ADARB2: variants seen among roughly 807,000 people sequenced by gnomAD.
ADARB2 encodes the protein inactive double-stranded RNA-specific editase B2.
ADARB2 carries 25 observed loss-of-function variants against 62.2 expected under a neutral mutation model. That is an observed-to-expected ratio of 0.40 (90% confidence interval 0.29 to 0.56). The LOEUF is 0.56. Ranked by LOEUF, ADARB2 falls within the 20% of genes least tolerant of loss-of-function variation. The pLI is 0.43. For missense variants in ADARB2, 1,071 were observed against 1,077.4 expected, an observed-to-expected ratio of 0.99 and a Z score of 0.08; for synonymous variants, 572 against 500.8, an observed-to-expected ratio of 1.14 and a Z score of -1.90.
rs545810333 is a variant in ADARB2, at chr10:1,191,237, G to A, written c.1865-6198C>T. 7.8e-4 allele frequency among the ~76,000 whole-genome samples: 118 copies of A among 152,196 alleles called. 3 individuals are homozygous for A. The South Asian group carries it at 0.023, about 30-fold the overall frequency. On this transcript the variant is annotated intron_variant, in intron 8 of 9. Transcript: ENST00000381312. ...CCTTCTGTGTGTGATGAGGACCAGC[G>A]GGGCTCACGGTCCAGGAGGGTGGGG...
At chr10:1,277,099 T>G (rs1475822535) in intron 3 of ADARB2, among the ~76,000 whole-genome samples, 1 of 152,174 alleles carries the variant, frequency 6.6e-6, no homozygotes, top group Non-Finnish European at 1.5e-5. Flanking sequence ...TGGGACACAT[T>G]CAAAGCAGTG....
intron 3 of ADARB2, among the ~76,000 whole-genome samples, chr10:1,327,272 A>T (rs111247950): frequency 3.3e-5 from 1 of 30,476 alleles, no homozygotes; most frequent in African/African-American, 8.9e-5. Context: ...TCCTCACTGC[A>T]CAGCGCCTCC....
At chr10:1,659,713 C>G (rs113690205) in intron 1 of ADARB2, among the ~76,000 whole-genome samples, 2,630 of 152,372 alleles carry the variant, frequency 0.017, 46 homozygotes, top group East Asian at 0.07. Flanking sequence ...GGCAACCCAT[C>G]ATGCTGCTTC....
intron 1 of ADARB2, among the ~76,000 whole-genome samples, chr10:1,708,899 G>A (rs902623573): frequency 6.6e-6 from 1 of 152,314 alleles, no homozygotes; most frequent in East Asian, 1.9e-4. Context: ...TGTGAGCAGA[G>A]GGCTGAGGGC....
intron 4 of ADARB2, among the ~76,000 whole-genome samples, chr10:1,246,277 T>G (rs1830985940): frequency 6.6e-6 from 1 of 150,974 alleles, no homozygotes; most frequent in South Asian, 2.1e-4. Flanking sequence ...TTTTCTCCCA[T>G]TCTGTAGGTT....
At chr10:1,288,594 G>A (rs1014479468) in intron 3 of ADARB2, among the ~76,000 whole-genome samples, 4 of 152,236 alleles carry the variant, frequency 2.6e-5, no homozygotes, top group African/African-American at 9.6e-5. Flanking sequence ...CTGAGACGCT[G>A]AGGAGAGAGA....
At chr10:1,217,741 C>T (rs1218606646) in intron 6 of ADARB2, among the ~76,000 whole-genome samples, 1 of 152,166 alleles carries the variant, frequency 6.6e-6, no homozygotes, top group Non-Finnish European at 1.5e-5. Context: ...GCAGTGCTTG[C>T]CGCCCAGGCT....
In ADARB2 at chr10:1,426,587, C is replaced by T. The variant is rs966073722; in HGVS notation, c.101-47427G>A. On this transcript the variant is annotated intron_variant, in intron 1 of 9. Coordinates refer to ENST00000381312, the MANE Select transcript of ADARB2 (RefSeq NM_018702.4). The surrounding 1 kb of genome is among the most constrained non-coding windows in gnomAD (Gnocchi z 4.1). Reference sequence around the variant, plus strand: ...GTTGTGGCCTTGGAAGGAAAAGCCTCCAGCTCTGAGTCTGCTGCCAGGTGG... The same window carrying T: ...GTTGTGGCCTTGGAAGGAAAAGCCTTCAGCTCTGAGTCTGCTGCCAGGTGG... 6.6e-6 allele frequency among the ~76,000 whole-genome samples: 1 copy of T among 152,172 alleles called. No homozygotes were observed. The highest frequency in any genetic ancestry group is 2.4e-5 in the African/African-American group (1 of 41,440).
chr10:1,649,843 C>A (rs11250703), intron 1 of ADARB2, among the ~76,000 whole-genome samples: 35,322 of 152,122 alleles, frequency 0.23, 4,156 homozygotes, highest in Admixed American at 0.27. Context: ...TCCAGCTCCA[C>A]TAGAGATCTT....
At chr10:1,551,393 C>G (rs4880868) in intron 1 of ADARB2, among the ~76,000 whole-genome samples, 2 of 151,950 alleles carry the variant, frequency 1.3e-5, no homozygotes, top group Non-Finnish European at 2.9e-5. Flanking sequence ...ACCTGTTGTC[C>G]GGGCTGCCAC....
chr10:1,278,206 C>G (rs2131803432), intron 3 of ADARB2, among the ~76,000 whole-genome samples: 1 of 152,176 alleles, frequency 6.6e-6, no homozygotes, highest in African/African-American at 2.4e-5. Flanking sequence ...TCTAGCACTC[C>G]TGACCTCAGG....
At chr10:1,612,021 T>C (rs918622076) in intron 1 of ADARB2, among the ~76,000 whole-genome samples, 2 of 151,992 alleles carry the variant, frequency 1.3e-5, no homozygotes, top group East Asian at 3.9e-4. Flanking sequence ...GCAGAACTCA[T>C]CTCCCAGCGC....
chr10:1,430,143 CT>C (rs1830765254), intron 1 of ADARB2, among the ~76,000 whole-genome samples: 5 of 152,288 alleles, frequency 3.3e-5, no homozygotes, highest in Admixed American at 3.3e-4. Flanking sequence ...ACTTTCTATG[CT>C]TTACTCGAAG....
chr10:1,512,282 C>T (rs1831947201), intron 1 of ADARB2, among the ~76,000 whole-genome samples: 1 of 152,138 alleles, frequency 6.6e-6, no homozygotes. Flanking sequence ...ACACTGGATA[C>T]TAAGATGTCA....
chr10:1,615,277 C>A (rs751901464), intron 1 of ADARB2, among the ~76,000 whole-genome samples: 5 of 152,160 alleles, frequency 3.3e-5, no homozygotes, highest in Non-Finnish European at 7.4e-5. Flanking sequence ...CATGGCCTTG[C>A]CTTCCCGCCC....
chr10:1,386,244 C>T (rs1165278113), intron 1 of ADARB2, among the ~76,000 whole-genome samples: 2 of 150,924 alleles, frequency 1.3e-5, no homozygotes, highest in Non-Finnish European at 3.0e-5. Context: ...TTGAAAAAGG[C>T]AAAGAAAGAG....
At chr10:1,645,866 A>G (rs1259843516) in intron 1 of ADARB2, among the ~76,000 whole-genome samples, 2 of 152,166 alleles carry the variant, frequency 1.3e-5, no homozygotes, top group Non-Finnish European at 2.9e-5. Flanking sequence ...ATTCTTCTTC[A>G]TTTATCAGGT....
At chr10:1,457,095 G>T (rs1005993544) in intron 1 of ADARB2, among the ~76,000 whole-genome samples, 2 of 152,126 alleles carry the variant, frequency 1.3e-5, no homozygotes, top group African/African-American at 4.8e-5. Flanking sequence ...GAGATGACAT[G>T]GCACAATCTC....
intron 3 of ADARB2, among the ~76,000 whole-genome samples, chr10:1,361,817 G>A (rs567573180): frequency 6.6e-6 from 1 of 152,280 alleles, no homozygotes; most frequent in South Asian, 2.1e-4. Context: ...CAATGGTAGC[G>A]ATCACAGCCA....
Sources: gnomAD v4.1 joint callset for allele counts (sites outside exome capture counted in the v4.1 genomes callset) on GRCh38, gnomAD v4.1.1 for gene constraint, Gnocchi (gnomAD v3.1) non-coding constraint, MANE v1.5 for transcripts, NCBI Gene and HGNC (gene_info 2026-07-23, HGNC 2026-07-21) for gene names.